HMGCS2: variants seen among roughly 807,000 people sequenced by gnomAD.
The protein encoded by HMGCS2 is 3-hydroxy-3-methylglutaryl-CoA synthase 2.
A neutral mutation model predicts 57.4 loss-of-function variants in HMGCS2; 50 were observed. That is an observed-to-expected ratio of 0.87 (90% confidence interval 0.69 to 1.10). HMGCS2 has a LOEUF of 1.10. Among genes scored for constraint, HMGCS2 ranks in the 50% least tolerant of loss-of-function variants. The probability of loss-of-function intolerance (pLI) is 0.00; values close to 1 mark genes in which losing one functional copy is unlikely to be tolerated. For synonymous variants in HMGCS2, 254 were observed against 245.1 expected, an observed-to-expected ratio of 1.04 and a Z score of -0.34; for missense variants, 627 against 636.5, an observed-to-expected ratio of 0.99 and a Z score of 0.16.
chr1:119,753,567 G>A (rs1209478140), intron 6 of HMGCS2, among the ~76,000 whole-genome samples, 181 bp from the exon 7 acceptor site: 1 of 152,074 alleles, frequency 6.6e-6, no homozygotes, highest in Non-Finnish European at 1.5e-5. Flanking sequence ...CATAAAGAGG[G>A]ACTTCTGGTA....
chr1:119,764,362 A>C lies in HMGCS2; in HGVS notation c.369T>G (p.Ser123=). 6.2e-7 allele frequency: 1 copy of C among 1,614,242 alleles called. No individual in the cohort carries two copies. Among genetic ancestry groups the C allele is most frequent in the Non-Finnish European group, 8.5e-7 (1 of 1,180,044 alleles). ...CAGTGCCTACTTCCAGCCTGCCCAC[A>C]GAGTCCCATGGGAGCTGTATGCGCT... The part of the protein sequence containing the change: ...LMERIQLPWD[S]VGRLEVGTET... The change falls in exon 2 of 10, where the codon TCT becomes TCG. Residue 123 remains serine (S), a synonymous_variant. Coordinates refer to ENST00000369406, the MANE Select transcript of HMGCS2 (RefSeq NM_005518.4).
At chr1:119,760,659 A>C (rs1653006161) in intron 2 of HMGCS2, among the ~76,000 whole-genome samples, 1 of 152,212 alleles carries the variant, frequency 6.6e-6, no homozygotes, top group African/African-American at 2.4e-5. Context: ...TTCAATAAAT[A>C]ATTGTGGTCT....
In HMGCS2 at chr1:119,767,481, T is replaced by C. The variant is rs587596641; in HGVS notation, c.104+1260A>G. Among the ~76,000 whole-genome samples the C allele has an allele frequency of 5.3e-5, 8 of 152,176 alleles. 1 individual carries two copies. In the South Asian group the frequency reaches 1.5e-3, roughly 28 times the overall value. ...GGGAGACAATATGTGAGAAATACAG[T>C]AAGTGGAGGGCACAAGTCTTACCGA... On this transcript the variant is annotated intron_variant, in intron 1 of 9. Coordinates refer to ENST00000369406, the MANE Select transcript of HMGCS2 (RefSeq NM_005518.4).
intron 2 of HMGCS2, among the ~76,000 whole-genome samples, chr1:119,761,866 G>T (rs587753267): frequency 1.3e-5 from 2 of 151,914 alleles, no homozygotes; most frequent in Non-Finnish European, 2.9e-5. Context: ...TAAAAGAAAC[G>T]CAAATCAAAA....
rs1376772547 is a variant in HMGCS2 at position 119,748,096 on chromosome 1, C to CAAGAAGAT, written c.*743_*750dup. On this transcript the variant is annotated 3_prime_UTR_variant, in exon 10 of 10. Transcript: ENST00000369406. Reference sequence around the variant, plus strand: ...TCAAATAACAGCGGCAAGGAATGACCAAGAAGATCTGAACTACAGCTCCTG... The same window carrying CAAGAAGAT: ...TCAAATAACAGCGGCAAGGAATGACCAAGAAGATAAGAAGATCTGAACTACAGCTCCTG... 6.6e-6 allele frequency: 1 copy of CAAGAAGAT among 152,238 alleles called. No homozygotes were observed. The highest frequency in any genetic ancestry group is 2.4e-5 in the African/African-American group (1 of 41,464). 9.4% of individuals were successfully genotyped at this position (152,238 alleles called of 1,614,324 possible). A position where few individuals can be genotyped will look rare whatever the true frequency, so the allele number is the denominator to read the frequency against.
intron 8 of HMGCS2, among the ~76,000 whole-genome samples, chr1:119,752,162 C>G (rs974938279): frequency 2.6e-5 from 4 of 152,154 alleles, no homozygotes; most frequent in Non-Finnish European, 4.4e-5. Context: ...AAAGTTCAAC[C>G]ATTTTTCCAA....
chr1:119,764,659 A>G (rs1305297789), intron 1 of HMGCS2, 33 bp from the exon 2 acceptor site: 1 of 1,492,248 alleles, frequency 6.7e-7, no homozygotes, highest in Non-Finnish European at 9.3e-7. Flanking sequence ...ACTCCCACTA[A>G]TGGTCTGTAG....
intron 2 of HMGCS2, 85 bp from the exon 3 acceptor site, chr1:119,760,074 G>C: frequency 1.6e-6 from 2 of 1,265,610 alleles, no homozygotes. Flanking sequence ...CACAATTCTA[G>C]GTCCTGGATA....
chr1:119,761,623 GGT>G (rs1049817452), intron 2 of HMGCS2, among the ~76,000 whole-genome samples: 2 of 152,024 alleles, frequency 1.3e-5, no homozygotes, highest in Non-Finnish European at 2.9e-5. Flanking sequence ...AAATGAGCCG[GGT>G]GTGGTGGTGG....
intron 1 of HMGCS2, 73 bp from the exon 2 acceptor site, chr1:119,764,699 A>C: frequency 9.4e-7 from 1 of 1,058,858 alleles, no homozygotes; most frequent in Non-Finnish European, 1.4e-6. Flanking sequence ...GTAACATAGC[A>C]ATCATTTAAT....
rs1653157007 is a variant in HMGCS2, at chr1:119,764,591, G to T, written c.140C>A (p.Thr47Lys). Residue 47 changes from threonine to lysine, a missense_variant, in exon 2 of 10, where the codon ACA becomes AAA. Transcript: ENST00000369406. Reference protein sequence around the residue: ...STASAVPLAKTDTWPKDVGIL... With the variant: ...STASAVPLAKKDTWPKDVGIL... The stretch of plus-strand genomic sequence containing the variant: ...GCCCACGTCCTTTGGCCAAGTATCT[G>T]TTTTGGCCAGGGGGACAGCAGAGGC... 3.1e-6 allele frequency: 5 copies of T among 1,614,036 alleles called. No homozygotes were observed. The highest frequency in any genetic ancestry group is 1.7e-6 in the Non-Finnish European group (2 of 1,180,022).
At chr1:119,764,134 C>T (rs778118683) in intron 2 of HMGCS2, 38 bp downstream of exon 2, 92 of 1,586,948 alleles carry the variant, frequency 5.8e-5, no homozygotes, top group Middle Eastern at 4.4e-4. Context: ...CCTCCAATTC[C>T]AGCACCTTTC....
chr1:119,753,451 ATG>A, intron 6 of HMGCS2, 65 bp from the exon 7 acceptor site: 1 of 780,988 alleles, frequency 1.3e-6, no homozygotes, highest in Non-Finnish European at 2.2e-6. Context: ...ACACACATAT[ATG>A]TATATATATA....
chr1:119,748,498 T>A lies in HMGCS2; in HGVS notation c.*349A>T, dbSNP rs587641803. The A allele has an allele frequency of 6.6e-6, 1 of 152,374 alleles. No homozygotes were observed. The highest frequency in any genetic ancestry group is 1.9e-4 in the East Asian group (1 of 5,194). The allele number at this position is 152,374 out of a possible 1,614,324, so 9.4% of individuals were successfully genotyped here. A position where few individuals can be genotyped will look rare whatever the true frequency, so the allele number is the denominator to read the frequency against. On this transcript the variant is annotated 3_prime_UTR_variant, in exon 10 of 10. Coordinates refer to ENST00000369406, the MANE Select transcript of HMGCS2 (RefSeq NM_005518.4). Reference sequence around the variant, plus strand: ...TTAATAATAATAAAGTTCTAACACATGACAGGAAAGTTTATCTGGATCTTG... The same window carrying A: ...TTAATAATAATAAAGTTCTAACACAAGACAGGAAAGTTTATCTGGATCTTG...
chr1:119,753,367 C>T lies in HMGCS2; in HGVS notation c.1207G>A (p.Ala403Thr). Residue 403 changes from alanine to threonine, a missense_variant, in exon 7 of 10, where the codon GCT (alanine) becomes ACT (threonine). Transcript: ENST00000369406. The stretch of plus-strand genomic sequence containing the variant: ...GAGAAGGCACCAATCCTGGAGCCAG[C>T]CAGTTCTTGGGCAGAGTGGCTGTGG... The part of the protein sequence containing the change: ...LLSHHSAQEL[A>T]GSRIGAFSYG... 1.2e-6 allele frequency: 2 copies of T among 1,608,156 alleles called. No individual in the cohort carries two copies. The highest frequency in any genetic ancestry group is 1.7e-6 in the Non-Finnish European group (2 of 1,176,634).
chr1:119,765,959 C>T (rs1193807467), intron 1 of HMGCS2, among the ~76,000 whole-genome samples: 3 of 152,178 alleles, frequency 2.0e-5, no homozygotes, highest in Non-Finnish European at 4.4e-5. Flanking sequence ...AGACATTTTA[C>T]AGCTAAATAT....
intron 2 of HMGCS2, among the ~76,000 whole-genome samples, chr1:119,763,362 T>C (rs1653108437): frequency 6.6e-6 from 1 of 152,236 alleles, no homozygotes; most frequent in Non-Finnish European, 1.5e-5. Flanking sequence ...TAGAGTGTCT[T>C]AACTACTGCC....
chr1:119,766,404 A>C (rs1350949562), intron 1 of HMGCS2, among the ~76,000 whole-genome samples: 1 of 152,164 alleles, frequency 6.6e-6, no homozygotes, highest in Non-Finnish European at 1.5e-5. Flanking sequence ...TGTGTCTATC[A>C]ATCATCTTTG....
At chr1:119,750,204 T>C (rs1380977818) in intron 9 of HMGCS2, among the ~76,000 whole-genome samples, 1 of 152,204 alleles carries the variant, frequency 6.6e-6, no homozygotes, top group Non-Finnish European at 1.5e-5. Context: ...AACCGCCCCA[T>C]TCCTTATGAA....
Sources: allele counts gnomAD v4.1 joint callset (sites outside exome capture counted in the v4.1 genomes callset), GRCh38; gene constraint gnomAD v4.1.1; transcripts MANE v1.5; gene names NCBI Gene and HGNC (gene_info 2026-07-23, HGNC 2026-07-21).